Variants in EPHB1 observed in about 807,000 individuals in gnomAD.
The protein encoded by EPHB1 is ephrin type-B receptor 1.
Under a neutral mutation model 94.4 loss-of-function variants are expected in EPHB1, and 30 were observed. The observed-to-expected ratio is 0.32, with a 90% confidence interval of 0.24 to 0.43. The LOEUF is 0.43. Ranked by LOEUF, EPHB1 falls within the 20% of genes least tolerant of loss-of-function variation. EPHB1 has a pLI of 1.00. For missense variants in EPHB1, 1,055 were observed against 1,308.3 expected (o/e 0.81, Z 2.99); for synonymous variants, 522 against 489.1 (o/e 1.07, Z -0.89).
chr3:135,104,423 C>G (rs974605858), intron 3 of EPHB1, among the ~76,000 whole-genome samples: 1 of 152,156 alleles, frequency 6.6e-6, no homozygotes, highest in Non-Finnish European at 1.5e-5. Context: ...AATAAAGACT[C>G]AAACAGTACT....
chr3:135,062,580 A>T (rs2107777680), intron 3 of EPHB1, among the ~76,000 whole-genome samples: 1 of 151,676 alleles, frequency 6.6e-6, no homozygotes, highest in Admixed American at 6.6e-5. Flanking sequence ...TAGATTCTGG[A>T]TGTTAGTCCT....
At chr3:134,886,273 G>T (rs1200037966) in intron 1 of EPHB1, among the ~76,000 whole-genome samples, 1 of 152,130 alleles carries the variant, frequency 6.6e-6, no homozygotes, top group Admixed American at 6.5e-5. Context: ...CTGCCCCAAG[G>T]GGATTATAAC....
chr3:134,826,956 T>C (rs2036491334), intron 1 of EPHB1, among the ~76,000 whole-genome samples: 1 of 152,186 alleles, frequency 6.6e-6, no homozygotes, highest in African/African-American at 2.4e-5. Flanking sequence ...GATAGCATAG[T>C]GCATGCAATA....
At chr3:135,052,224 C>A (rs1370955237) in intron 3 of EPHB1, among the ~76,000 whole-genome samples, 1 of 152,072 alleles carries the variant, frequency 6.6e-6, no homozygotes, top group Non-Finnish European at 1.5e-5. Context: ...CTGAACTGGA[C>A]CCATTGAATG....
intron 13 of EPHB1, among the ~76,000 whole-genome samples, chr3:135,247,682 G>A (rs1943959285): frequency 6.6e-6 from 1 of 152,118 alleles, no homozygotes; most frequent in Non-Finnish European, 1.5e-5. Context: ...GGACCACCTT[G>A]TTATTTTGAC....
At chr3:134,980,680 G>A (rs1207996294) in intron 3 of EPHB1, among the ~76,000 whole-genome samples, 1 of 152,094 alleles carries the variant, frequency 6.6e-6, no homozygotes, top group Non-Finnish European at 1.5e-5. Flanking sequence ...AGTTCTCCCT[G>A]GCATACCAGG....
chr3:135,231,409 G>T (rs1289407097), intron 12 of EPHB1, among the ~76,000 whole-genome samples: 1 of 152,098 alleles, frequency 6.6e-6, no homozygotes, highest in African/African-American at 2.4e-5. Flanking sequence ...TGGCCTTTCT[G>T]TTCTTCACAC....
chr3:134,922,135 T>C (rs972702346), intron 1 of EPHB1, among the ~76,000 whole-genome samples: 13 of 152,306 alleles, frequency 8.5e-5, no homozygotes, highest in African/African-American at 2.9e-4. Context: ...TCCAGCTGGG[T>C]TGGTCCCCGT....
chr3:134,979,102 T>C (rs1201268882), intron 3 of EPHB1, among the ~76,000 whole-genome samples: 1 of 152,212 alleles, frequency 6.6e-6, no homozygotes, highest in Non-Finnish European at 1.5e-5. Flanking sequence ...TGTTAGAGGA[T>C]TTTTCTTTGG....
intron 1 of EPHB1, among the ~76,000 whole-genome samples, chr3:134,813,357 G>A (rs567100397): frequency 6.6e-6 from 1 of 152,346 alleles, no homozygotes; most frequent in East Asian, 1.9e-4. Flanking sequence ...CATTGCAGGA[G>A]CAGCTGTACC....
intron 12 of EPHB1, among the ~76,000 whole-genome samples, chr3:135,215,924 T>C (rs2107717834): frequency 6.6e-6 from 1 of 152,300 alleles, no homozygotes; most frequent in African/African-American, 2.4e-5. Flanking sequence ...TTCACAAACT[T>C]GCATTGTAAG....
intron 3 of EPHB1, among the ~76,000 whole-genome samples, chr3:135,061,373 C>CCCA (rs145463693): frequency 0.044 from 5,914 of 135,908 alleles, 540 homozygotes; most frequent in African/African-American, 0.15. Flanking sequence ...TGACCACCCC[C>CCCA]CCCGACCCAA....
intron 11 of EPHB1, among the ~76,000 whole-genome samples, chr3:135,199,217 A>G (rs908547016): frequency 6.6e-6 from 1 of 152,190 alleles, no homozygotes; most frequent in Non-Finnish European, 1.5e-5. Flanking sequence ...GAAATAATAG[A>G]CTGAATTGAA....
intron 3 of EPHB1, among the ~76,000 whole-genome samples, chr3:135,062,110 G>A (rs956411275): frequency 8.5e-5 from 13 of 152,308 alleles, no homozygotes; most frequent in South Asian, 8.3e-4. Flanking sequence ...ATTTGGGCTG[G>A]TTCCATATCT....
intron 12 of EPHB1, among the ~76,000 whole-genome samples, chr3:135,229,304 A>G (rs1198454112): frequency 6.6e-6 from 1 of 152,234 alleles, no homozygotes; most frequent in Non-Finnish European, 1.5e-5. Context: ...AGACGGTAAG[A>G]CAGAGTGTTT....
intron 1 of EPHB1, chr3:134,823,738 G>T (rs2036424549): frequency 6.6e-6 from 1 of 152,220 alleles, no homozygotes; most frequent in South Asian, 2.1e-4. Context: ...AACACGGGAA[G>T]ATCCATGCTG....
intron 3 of EPHB1, among the ~76,000 whole-genome samples, chr3:135,068,477 T>A (rs1350787573): frequency 6.6e-6 from 1 of 152,168 alleles, no homozygotes; most frequent in Non-Finnish European, 1.5e-5. Flanking sequence ...CTGTTCTATT[T>A]CTTTACCCAT....
chr3:135,223,652 T>A (rs938867886), intron 12 of EPHB1, among the ~76,000 whole-genome samples: 2 of 152,222 alleles, frequency 1.3e-5, no homozygotes, highest in African/African-American at 2.4e-5. Context: ...ATGATAGAGA[T>A]GTCTTGGCGC....
chr3:135,026,306 G>T, intron 3 of EPHB1, among the ~76,000 whole-genome samples: 1 of 131,128 alleles, frequency 7.6e-6, no homozygotes, highest in Middle Eastern at 4.0e-3. Context: ...TGTCCTGAAT[G>T]GTAATGCCTA....
Sources: allele counts gnomAD v4.1 joint callset (sites outside exome capture counted in the v4.1 genomes callset), GRCh38; gene constraint gnomAD v4.1.1; transcripts MANE v1.5; gene names NCBI Gene and HGNC (gene_info 2026-07-23, HGNC 2026-07-21).